The following FNIP1 variants were observed in gnomAD, a reference collection of about 807,000 sequenced individuals.
FNIP1 encodes folliculin-interacting protein 1.
In FNIP1, 40 loss-of-function variants were observed where a neutral mutation model predicts 124.5. That is an observed-to-expected ratio of 0.32 (90% CI 0.25 to 0.42). The LOEUF is 0.42. FNIP1 is among the 10% of genes least tolerant of loss of function. The probability of loss-of-function intolerance (pLI) is 1.00; values close to 1 mark genes in which losing one functional copy is unlikely to be tolerated. For missense variants in FNIP1, 1,176 were observed against 1,403.7 expected, an observed-to-expected ratio of 0.84 and a Z score of 2.59; for synonymous variants, 472 against 470.6, an observed-to-expected ratio of 1.00 and a Z score of -0.04.
chr5:131,766,044 A>C (rs760623091), intron 1 of FNIP1, among the ~76,000 whole-genome samples: 1 of 152,056 alleles, frequency 6.6e-6, no homozygotes, highest in Non-Finnish European at 1.5e-5. Context: ...TCAGAAACCT[A>C]ATCTTTTTCT....
intron 3 of FNIP1, among the ~76,000 whole-genome samples, chr5:131,726,241 A>G (rs1463414251): frequency 6.6e-6 from 1 of 151,660 alleles, no homozygotes; most frequent in Non-Finnish European, 1.5e-5. Context: ...CTTTTTTTCT[A>G]TTGATTGGAA....
chr5:131,681,976 A>C (rs1768100404), intron 11 of FNIP1, among the ~76,000 whole-genome samples: 1 of 152,188 alleles, frequency 6.6e-6, no homozygotes, highest in Admixed American at 6.5e-5. Flanking sequence ...ATACTTTTTA[A>C]TAATATGGAA....
chr5:131,723,877 T>G (rs1465145329), intron 3 of FNIP1, among the ~76,000 whole-genome samples: 1 of 123,566 alleles, frequency 8.1e-6, no homozygotes, highest in African/African-American at 3.1e-5. Context: ...CACCCCCCAA[T>G]AGGTCCTGGT....
chr5:131,746,609 T>G (rs555360540), intron 1 of FNIP1, among the ~76,000 whole-genome samples: 1 of 152,322 alleles, frequency 6.6e-6, no homozygotes, highest in African/African-American at 2.4e-5. Flanking sequence ...CTGGATTTCA[T>G]TCTTTTTTAT....
Position 131,672,695 on chromosome 5 carries a change from A to T in FNIP1, c.1749T>A (p.Tyr583Ter), listed in dbSNP as rs1265886052. 1.2e-6 allele frequency: 2 copies of T among 1,613,970 alleles called. No individual in the cohort carries two copies. Among genetic ancestry groups the T allele is most frequent in the Non-Finnish European group, 1.7e-6 (2 of 1,179,984 alleles). ...LEKGEIEESE[Y>*]VLVTMHRNKS... Reference sequence around the variant, plus strand: ...TGTTTCTATGCATTGTGACAAGGACATACTCTGATTCTTCTATTTCACCTT... The same window carrying T: ...TGTTTCTATGCATTGTGACAAGGACTTACTCTGATTCTTCTATTTCACCTT... The change falls in exon 14 of 18, where the codon TAT becomes TAA. Residue 583 changes from tyrosine (Y) to a stop codon, truncating the protein, a stop_gained. Coordinates refer to ENST00000510461, the MANE Select transcript of FNIP1 (RefSeq NM_133372.3). LOFTEE classifies it high-confidence loss of function.
rs764460740 is a variant in FNIP1, at chr5:131,710,633, C to T, written c.651G>A (p.Arg217=). 1.2e-6 allele frequency: 2 copies of T among 1,613,952 alleles called. No homozygotes were observed. The highest frequency in any genetic ancestry group is 2.2e-5 in the South Asian group (2 of 91,044). ...IGLSQFCSPR[R]AFSEQGPLRL... is the part of the protein sequence containing the mutation. ...GGAGCGGACCCTGCTCAGAGAATGC[C>T]CGCCTGGGGCTGCAGAACTGTGAAA... The change falls in exon 7 of 18, where the codon CGG becomes CGA. Residue 217 remains arginine (R), a synonymous_variant. Transcript: ENST00000510461.
chr5:131,787,601 A>G (rs1484401475), intron 1 of FNIP1, among the ~76,000 whole-genome samples: 1 of 152,206 alleles, frequency 6.6e-6, no homozygotes, highest in Non-Finnish European at 1.5e-5. Context: ...GCCACGTGAC[A>G]TGGGGTAAGA....
intron 13 of FNIP1, 65 bp downstream of exon 13, chr5:131,677,638 T>A: frequency 7.0e-7 from 1 of 1,437,388 alleles, no homozygotes; most frequent in Admixed American, 2.1e-5. Context: ...GGTTTTGCTA[T>A]AAAATAATTA....
At chr5:131,730,572 T>G (rs1258867655) in intron 3 of FNIP1, among the ~76,000 whole-genome samples, 1 of 152,234 alleles carries the variant, frequency 6.6e-6, no homozygotes, top group Non-Finnish European at 1.5e-5. Flanking sequence ...CATACTTTAA[T>G]TTCATACAAC....
intron 1 of FNIP1, among the ~76,000 whole-genome samples, chr5:131,746,073 C>T (rs578079309): frequency 6.6e-6 from 1 of 152,184 alleles, no homozygotes; most frequent in South Asian, 2.1e-4. Flanking sequence ...GTTTTATGTA[C>T]TTTTACATAT....
At chr5:131,669,487 G>A (rs930371043) in intron 15 of FNIP1, among the ~76,000 whole-genome samples, 2 of 151,990 alleles carry the variant, frequency 1.3e-5, no homozygotes, top group African/African-American at 2.4e-5. Flanking sequence ...GACAGAGTGG[G>A]AATTGCTTCC....
rs199748049 is a variant in FNIP1, at chr5:131,675,740, G to GGGA, written c.1519+1960_1519+1962dup. Reference sequence around the variant, plus strand: ...CAGAGAAGTTGGGGAGAAGGAGATGGGGAGGAGGAGGAGGAGGAAGAGATT... The same window carrying GGGA: ...CAGAGAAGTTGGGGAGAAGGAGATGGGGAGGAGGAGGAGGAGGAGGAAGAGATT... On this transcript the variant is annotated intron_variant, in intron 13 of 17. Coordinates refer to ENST00000510461, the MANE Select transcript of FNIP1 (RefSeq NM_133372.3). Among the ~76,000 whole-genome samples the GGGA allele has an allele frequency of 2.2e-3, 330 of 152,218 alleles. 2 individuals carry two copies. The highest frequency in any genetic ancestry group is 7.5e-3 in the African/African-American group (311 of 41,520).
chr5:131,666,693 A>G (rs1196154684), intron 15 of FNIP1, among the ~76,000 whole-genome samples: 2 of 152,214 alleles, frequency 1.3e-5, no homozygotes, highest in Non-Finnish European at 2.9e-5. Flanking sequence ...GTGAAATAGT[A>G]CACTTAAGTG....
chr5:131,712,001 T>C (rs1223442151), intron 6 of FNIP1, among the ~76,000 whole-genome samples: 1 of 152,212 alleles, frequency 6.6e-6, no homozygotes, highest in Non-Finnish European at 1.5e-5. Flanking sequence ...TTTTGTTTCC[T>C]AGAGTATGCA....
chr5:131,702,001 T>C (rs1206489182), intron 10 of FNIP1, among the ~76,000 whole-genome samples: 1 of 152,230 alleles, frequency 6.6e-6, no homozygotes, highest in Non-Finnish European at 1.5e-5. Flanking sequence ...GCTCAACTTC[T>C]GGGAATCTCC....
chr5:131,648,390 C>T (rs1766952894), intron 16 of FNIP1, among the ~76,000 whole-genome samples: 1 of 151,402 alleles, frequency 6.6e-6, no homozygotes, highest in Non-Finnish European at 1.5e-5. Flanking sequence ...GGTGATTTAT[C>T]ATGTGAATTG....
chr5:131,681,351 C>T (rs1768073246), intron 11 of FNIP1, among the ~76,000 whole-genome samples: 1 of 152,064 alleles, frequency 6.6e-6, no homozygotes, highest in South Asian at 2.1e-4. Flanking sequence ...GTGAAGGTCT[C>T]CAGTCAAAAG....
chr5:131,713,276 G>A (rs551598846), intron 6 of FNIP1, among the ~76,000 whole-genome samples: 14 of 152,028 alleles, frequency 9.2e-5, no homozygotes, highest in African/African-American at 2.9e-4. Context: ...TCAATCTCCC[G>A]GCCTCGTGAT....
intron 3 of FNIP1, among the ~76,000 whole-genome samples, chr5:131,724,222 C>A (rs1389075648): frequency 6.6e-6 from 1 of 152,158 alleles, no homozygotes; most frequent in Non-Finnish European, 1.5e-5. Flanking sequence ...TGGGTACATA[C>A]CCAGTAATGG....
Sources: gnomAD v4.1 joint callset for allele counts (sites outside exome capture counted in the v4.1 genomes callset) on GRCh38, gnomAD v4.1.1 for gene constraint, MANE v1.5 for transcripts, NCBI Gene and HGNC (gene_info 2026-07-23, HGNC 2026-07-21) for gene names.